Variants in PIGX observed in about 807,000 individuals in gnomAD.
PIGX encodes GPI alpha-1,4-mannosyltransferase I, stabilizing subunit.
PIGX carries 24 observed loss-of-function variants against 28.7 expected under a neutral mutation model. The ratio of observed to expected loss-of-function variants is 0.84; its 90% CI spans 0.60 to 1.17. PIGX has a LOEUF of 1.17. PIGX is among the 50% of genes most tolerant of loss of function. The pLI, the probability that PIGX is intolerant of heterozygous loss-of-function variation, is 0.00. For missense variants in PIGX, 305 were observed against 317.8 expected (o/e 0.96, Z 0.31); for synonymous variants, 127 against 121.0 (o/e 1.05, Z -0.33).
intron 3 of PIGX, among the ~76,000 whole-genome samples, chr3:196,726,389 C>T (rs1194699216): frequency 2.6e-5 from 4 of 152,084 alleles, no homozygotes; most frequent in African/African-American, 9.7e-5. Context: ...TCACTTGAGC[C>T]CAGGAGTTTG....
chr3:196,716,730 G>T (rs139300161), intron 1 of PIGX, 128 bp from the exon 2 acceptor site: 20 of 395,830 alleles, frequency 5.1e-5, no homozygotes, highest in Admixed American at 1.7e-4. Context: ...ATTTTAAAAG[G>T]TTTTGTTTTT....
chr3:196,728,507 A>C (rs1298794214), intron 4 of PIGX, among the ~76,000 whole-genome samples: 1 of 152,074 alleles, frequency 6.6e-6, no homozygotes, highest in Non-Finnish European at 1.5e-5. Flanking sequence ...ACCAAGACTA[A>C]GGTCTTGTCC....
At chr3:196,713,426 C>T (rs535706115) in intron 1 of PIGX, among the ~76,000 whole-genome samples, 31 of 151,992 alleles carry the variant, frequency 2.0e-4, no homozygotes, top group African/African-American at 7.2e-4. Flanking sequence ...CTTCAGCCTC[C>T]CAAGTAGCTG....
At chr3:196,722,283 A>G in intron 2 of PIGX, 132 bp from the exon 3 acceptor site, 1 of 631,574 alleles carries the variant, frequency 1.6e-6, no homozygotes, top group Admixed American at 3.1e-5. Context: ...TAAATATTTC[A>G]TTTGACCTTA....
rs972756234 is a variant in PIGX, at chr3:196,733,404, T to C, written c.634-355T>C. Among the ~76,000 whole-genome samples the C allele has an allele frequency of 6.6e-6, 1 of 152,074 alleles. No individual in the cohort carries two copies. Among genetic ancestry groups the C allele is most frequent in the African/African-American group, 2.4e-5 (1 of 41,406 alleles). Reference sequence around the variant, plus strand: ...TTATGACATTTATTTTATTTTACTATTTTTATTTATTTATTTATTTATTTG... The same window carrying C: ...TTATGACATTTATTTTATTTTACTACTTTTATTTATTTATTTATTTATTTG... On this transcript the variant is annotated intron_variant, in intron 5 of 5. Transcript: ENST00000392391. This position sits in a 1 kb window ranked among gnomAD's most constrained non-coding sequence, Gnocchi z 4.3.
rs1159054300 is a variant in PIGX at position 196,734,952 on chromosome 3, T to C, written c.*1050T>C. On this transcript the variant is annotated 3_prime_UTR_variant, in exon 6 of 6. Transcript: ENST00000392391. Reference sequence around the variant, plus strand: ...AACAAAGGTTCTTCATTTACTGTTATGATTGGAAAAAAATTAGAAAATAAA... The same window carrying C: ...AACAAAGGTTCTTCATTTACTGTTACGATTGGAAAAAAATTAGAAAATAAA... The C allele has an allele frequency of 6.6e-6, 1 of 151,998 alleles. No individual in the cohort carries two copies. Among genetic ancestry groups the C allele is most frequent in the Non-Finnish European group, 1.5e-5 (1 of 67,998 alleles). The allele number at this position is 151,998 out of a possible 1,614,324, so 9.4% of individuals were successfully genotyped here. A position where few individuals can be genotyped will look rare whatever the true frequency, so the allele number is the denominator to read the frequency against.
In PIGX at chr3:196,733,659, C is replaced by T. The variant is rs979879709; in HGVS notation, c.634-100C>T. On this transcript the variant is annotated intron_variant, in intron 5 of 5. Coordinates refer to ENST00000392391, the MANE Select transcript of PIGX (RefSeq NM_017861.4). The surrounding 1 kb of genome is among the most constrained non-coding windows in gnomAD (Gnocchi z 4.3). ...AACTCCTGACCTCAAGCGATCTGCCCGCCTTGGCCTCCCGAAGTGCTGGGA... is the reference window on the plus strand; with the variant it reads ...AACTCCTGACCTCAAGCGATCTGCCTGCCTTGGCCTCCCGAAGTGCTGGGA... The T allele has an allele frequency of 4.3e-5, 35 of 811,342 alleles. No homozygotes were observed. The highest frequency in any genetic ancestry group is 5.5e-5 in the Non-Finnish European group (27 of 488,782). 50.3% of individuals were successfully genotyped at this position (811,342 alleles called of 1,614,324 possible). A position where few individuals can be genotyped will look rare whatever the true frequency, so the allele number is the denominator to read the frequency against.
intron 4 of PIGX, among the ~76,000 whole-genome samples, chr3:196,730,067 C>CA (rs779405650): frequency 0.039 from 3,987 of 102,252 alleles, 97 homozygotes; most frequent in African/African-American, 0.084. Flanking sequence ...AAGACTGTCT[C>CA]AAAAAAAAAA....
chr3:196,727,303 G>T (rs530975300), intron 3 of PIGX, among the ~76,000 whole-genome samples: 3 of 152,208 alleles, frequency 2.0e-5, no homozygotes, highest in African/African-American at 7.2e-5. Flanking sequence ...TCTAATTTCT[G>T]CCACATGTAC....
At chr3:196,712,700 C>T (rs1422932135) in intron 1 of PIGX, 56 bp downstream of exon 1, 2 of 1,159,810 alleles carry the variant, frequency 1.7e-6, no homozygotes, top group Admixed American at 9.3e-5. Context: ...GGCTCCCGGG[C>T]CTCTCGGCGG....
Position 196,727,973 on chromosome 3 carries a change from C to G in PIGX, c.369C>G (p.Ser123=). 3 of 1,613,908 alleles carry G rather than the reference C, an allele frequency of 1.9e-6. No individual in the cohort carries two copies. Among genetic ancestry groups the G allele is most frequent in the Non-Finnish European group, 2.5e-6 (3 of 1,179,870 alleles). Residue 123 remains serine (S), a synonymous_variant, in exon 4 of 6, where the codon TCC becomes TCG. Coordinates refer to ENST00000392391, the MANE Select transcript of PIGX (RefSeq NM_017861.4). ...ATATAGAGGCCCCTAACTATTTGTC[C>G]AAGGAGTCTGAAGTTCTCATTTATG...
intron 2 of PIGX, among the ~76,000 whole-genome samples, chr3:196,722,124 A>G (rs1252642563): frequency 1.3e-5 from 2 of 152,150 alleles, no homozygotes; most frequent in Non-Finnish European, 2.9e-5. Flanking sequence ...TCCTTTCCCC[A>G]TTAAATTACG....
At chr3:196,728,545 A>G (rs1426897026) in intron 4 of PIGX, among the ~76,000 whole-genome samples, 1 of 152,174 alleles carries the variant, frequency 6.6e-6, no homozygotes, top group Non-Finnish European at 1.5e-5. Context: ...ATTTCCATTA[A>G]GTCTCTTAAT....
intron 1 of PIGX, chr3:196,712,914 T>C: frequency 9.6e-7 from 1 of 1,037,826 alleles, no homozygotes; most frequent in Non-Finnish European, 1.2e-6. Flanking sequence ...AGAAGGAAAG[T>C]CAGCCGTCAA....
At position 196,733,600 on chromosome 3, in the gene PIGX, T is replaced by C. The variant is rs1577683445; in HGVS notation, c.634-159T>C. ...CTAATTTTTGTATTTTTAGTAGAGA[T>C]GGTTTAGTAGAGATGTTGGCCAGGC... On this transcript the variant is annotated intron_variant, in intron 5 of 5. Coordinates refer to ENST00000392391, the MANE Select transcript of PIGX (RefSeq NM_017861.4). The surrounding 1 kb of genome is among the most constrained non-coding windows in gnomAD (Gnocchi z 4.3). 6.6e-6 allele frequency among the ~76,000 whole-genome samples: 1 copy of C among 151,814 alleles called. No homozygotes were observed. The highest frequency in any genetic ancestry group is 1.9e-4 in the East Asian group (1 of 5,152).
Position 196,732,241 on chromosome 3 carries a change from TATATATATATA to T in PIGX, c.633+1150_633+1160del, listed in dbSNP as rs1212327318. On this transcript the variant is annotated intron_variant, in intron 5 of 5. Coordinates refer to ENST00000392391, the MANE Select transcript of PIGX (RefSeq NM_017861.4). ...TTATATATATATATATATATATATATATATATATATATATATTTTATTTTATTTTATTTTTT... is the reference window on the plus strand; with the variant it reads ...TTATATATATATATATATATATATATTATATTTTATTTTATTTTATTTTTT... Among the ~76,000 whole-genome samples, 608 of 64,812 alleles carry T rather than the reference TATATATATATA, an allele frequency of 9.4e-3. 59 individuals are homozygous for T. Among genetic ancestry groups the T allele is most frequent in the African/African-American group, 0.037 (558 of 14,926 alleles). The allele number at this position is 64,812 out of a possible 152,430, so 42.5% of individuals were successfully genotyped here. A position where few individuals can be genotyped will look rare whatever the true frequency, so the allele number is the denominator to read the frequency against.
chr3:196,724,369 T>G (rs577153481), intron 3 of PIGX, among the ~76,000 whole-genome samples: 1 of 152,340 alleles, frequency 6.6e-6, no homozygotes, highest in East Asian at 1.9e-4. Context: ...TATTCAAATT[T>G]AAAATAATAG....
chr3:196,721,129 C>T (rs1712304502), intron 2 of PIGX: 1 of 329,692 alleles, frequency 3.0e-6, no homozygotes, highest in African/African-American at 2.3e-5. Context: ...AAGTGTTCAG[C>T]CATTATATCT....
intron 3 of PIGX, among the ~76,000 whole-genome samples, chr3:196,724,499 A>G (rs1049030916): frequency 6.6e-6 from 1 of 152,192 alleles, no homozygotes; most frequent in Non-Finnish European, 1.5e-5. Flanking sequence ...GATGGGGGTT[A>G]CCCAAAAATT....
Sources: allele counts gnomAD v4.1 joint callset (sites outside exome capture counted in the v4.1 genomes callset), GRCh38; gene constraint gnomAD v4.1.1; non-coding constraint Gnocchi (gnomAD v3.1); transcripts MANE v1.5; gene names NCBI Gene and HGNC (gene_info 2026-07-23, HGNC 2026-07-21).